SHISA6: variants seen among roughly 807,000 people sequenced by gnomAD.
SHISA6 encodes shisa family member 6, also known as protein shisa-6.
Under a neutral mutation model 47.9 loss-of-function variants are expected in SHISA6, and 22 were observed. The ratio of observed to expected loss-of-function variants is 0.46; its 90% CI spans 0.33 to 0.66. SHISA6 has a LOEUF of 0.66. Among genes scored for constraint, SHISA6 ranks in the 30% least tolerant of loss-of-function variants. SHISA6 has a pLI of 0.02. For synonymous variants in SHISA6, 388 were observed against 337.8 expected, an observed-to-expected ratio of 1.15 and a Z score of -1.63; for missense variants, 680 against 764.6, an observed-to-expected ratio of 0.89 and a Z score of 1.30.
At chr17:11,277,644 C>T (rs750120121) in intron 2 of SHISA6, among the ~76,000 whole-genome samples, 5 of 152,098 alleles carry the variant, frequency 3.3e-5, no homozygotes, top group African/African-American at 4.8e-5. Context: ...GTAAAAGTTA[C>T]TGCTACAGAA....
At chr17:11,293,815 G>C (rs1909636622) in intron 2 of SHISA6, among the ~76,000 whole-genome samples, 1 of 152,188 alleles carries the variant, frequency 6.6e-6, no homozygotes, top group East Asian at 1.9e-4. Context: ...ATGGTTGCAA[G>C]TCCTGGCACA....
At chr17:11,464,502 C>T (rs1915763483) in intron 3 of SHISA6, among the ~76,000 whole-genome samples, 1 of 152,160 alleles carries the variant, frequency 6.6e-6, no homozygotes. Context: ...TGACAGCTTT[C>T]TTGTCCATGC....
chr17:11,507,810 T>C (rs570913404), intron 3 of SHISA6, among the ~76,000 whole-genome samples: 9 of 152,342 alleles, frequency 5.9e-5, no homozygotes, highest in African/African-American at 2.2e-4. Flanking sequence ...TCATTTCTAA[T>C]CTTTAGCACT....
intron 3 of SHISA6, among the ~76,000 whole-genome samples, chr17:11,520,059 A>G (rs1383150979): frequency 9.4e-6 from 1 of 106,218 alleles, no homozygotes; most frequent in Non-Finnish European, 1.9e-5. Context: ...TAATTCATCT[A>G]GTCTCAGTTT....
rs2072005687 is a variant in SHISA6, at chr17:11,558,428, TG to T, written c.*127del. On this transcript the variant is annotated 3_prime_UTR_variant, in exon 6 of 6. Coordinates refer to ENST00000441885, the MANE Select transcript of SHISA6 (RefSeq NM_207386.4). ...TTGTCCCCTCTGTAGGAAGTGGGGGTGGGCCACCTTTGCCCAAAAAGCCATA... is the reference window on the plus strand; with the variant it reads ...TTGTCCCCTCTGTAGGAAGTGGGGGTGGCCACCTTTGCCCAAAAAGCCATA... 1 of 1,165,076 alleles carries T rather than the reference TG, an allele frequency of 8.6e-7. No homozygotes were observed. Among genetic ancestry groups the T allele is most frequent in the African/African-American group, 1.5e-5 (1 of 64,550 alleles). The allele number at this position is 1,165,076 out of a possible 1,614,324, so 72.2% of individuals were successfully genotyped here. A position where few individuals can be genotyped will look rare whatever the true frequency, so the allele number is the denominator to read the frequency against.
At chr17:11,412,022 G>C (rs1317923513) in intron 3 of SHISA6, among the ~76,000 whole-genome samples, 4 of 152,128 alleles carry the variant, frequency 2.6e-5, no homozygotes, top group Non-Finnish European at 4.4e-5. Flanking sequence ...ATAAGAAAAA[G>C]GTTGTCTCTG....
chr17:11,414,114 C>G (rs994229329), intron 3 of SHISA6, among the ~76,000 whole-genome samples: 4 of 151,596 alleles, frequency 2.6e-5, no homozygotes, highest in Non-Finnish European at 5.9e-5. Context: ...CCTTTCCCTC[C>G]TCTCCTCCTT....
chr17:11,368,920 G>T (rs1328187109), intron 2 of SHISA6, among the ~76,000 whole-genome samples: 3 of 152,192 alleles, frequency 2.0e-5, no homozygotes, highest in Non-Finnish European at 2.9e-5. Context: ...CTCCCAAAGT[G>T]CTGGGATTAC....
chr17:11,306,085 G>C lies in SHISA6; in HGVS notation c.799+42559G>C, dbSNP rs1413341614. On this transcript the variant is annotated intron_variant, in intron 2 of 5. Coordinates refer to ENST00000441885, the MANE Select transcript of SHISA6 (RefSeq NM_207386.4). ...ACCTGAAAAAATAGCTCATTTTACT[G>C]AATGCTGACAGTGTACTAAGTGTTT... 2.6e-5 allele frequency among the ~76,000 whole-genome samples: 4 copies of C among 152,126 alleles called. No homozygotes were observed. In the East Asian group the frequency reaches 5.8e-4, roughly 22 times the overall value.
intron 2 of SHISA6, among the ~76,000 whole-genome samples, chr17:11,323,669 A>AAAT (rs60694925): frequency 0.024 from 3,131 of 132,002 alleles, 64 homozygotes; most frequent in African/African-American, 0.054. Flanking sequence ...TAAATAAATA[A>AAAT]AATAATAATA....
chr17:11,505,731 A>G (rs1295312197), intron 3 of SHISA6, among the ~76,000 whole-genome samples: 1 of 152,196 alleles, frequency 6.6e-6, no homozygotes, highest in African/African-American at 2.4e-5. Context: ...TCCTAAAAAT[A>G]TTTTCAACTA....
chr17:11,476,436 G>A (rs1916053030), intron 3 of SHISA6, among the ~76,000 whole-genome samples: 1 of 151,958 alleles, frequency 6.6e-6, no homozygotes, highest in Non-Finnish European at 1.5e-5. Flanking sequence ...TTCCCTCTAA[G>A]TACTGCTTTT....
chr17:11,519,172 A>C (rs2071608791), intron 3 of SHISA6, among the ~76,000 whole-genome samples: 1 of 152,228 alleles, frequency 6.6e-6, no homozygotes, highest in South Asian at 2.1e-4. Context: ...GAGAACAGTA[A>C]CAAAAGCAAA....
intron 3 of SHISA6, among the ~76,000 whole-genome samples, chr17:11,425,421 T>C (rs1424259599): frequency 6.6e-6 from 1 of 152,112 alleles, no homozygotes; most frequent in Non-Finnish European, 1.5e-5. Context: ...CTTCCTCATC[T>C]TATAGTTAAT....
chr17:11,332,845 A>C (rs1911173541), intron 2 of SHISA6, among the ~76,000 whole-genome samples: 1 of 152,104 alleles, frequency 6.6e-6, no homozygotes, highest in Non-Finnish European at 1.5e-5. Context: ...GTCATGTGAT[A>C]TTCCACTGGA....
Position 11,285,520 on chromosome 17 carries a change from A to C in SHISA6, c.799+21994A>C, listed in dbSNP as rs2191087. 8.0e-3 allele frequency among the ~76,000 whole-genome samples: 1,221 copies of C among 152,352 alleles called. 19 individuals are homozygous for C. Among genetic ancestry groups the C allele is most frequent in the African/African-American group, 0.028 (1,169 of 41,584 alleles). On this transcript the variant is annotated intron_variant, in intron 2 of 5. Coordinates refer to ENST00000441885, the MANE Select transcript of SHISA6 (RefSeq NM_207386.4). ...TAATGATTTTGACACCTTTTAAAAA[A>C]TGAATCCTACTGACAGTTTGGAGGC...
chr17:11,538,639 C>T lies in SHISA6; in HGVS notation c.896-13257C>T, dbSNP rs533636297. Among the ~76,000 whole-genome samples the T allele has an allele frequency of 2.6e-4, 39 of 152,274 alleles. No homozygotes were observed. In the South Asian group the frequency reaches 7.5e-3, roughly 29 times the overall value. The stretch of plus-strand genomic sequence containing the variant: ...CTAAGATGCTTTTAAAAAGCTGATT[C>T]CTAGAGCCTGTGTCGAATCTTCCAA... On this transcript the variant is annotated intron_variant, in intron 3 of 5. Coordinates refer to ENST00000441885, the MANE Select transcript of SHISA6 (RefSeq NM_207386.4).
intron 3 of SHISA6, among the ~76,000 whole-genome samples, chr17:11,417,733 G>A: frequency 6.6e-6 from 1 of 152,184 alleles, no homozygotes; most frequent in Admixed American, 6.5e-5. Flanking sequence ...AGAGCTTCTG[G>A]AATTGGAGCT....
At chr17:11,319,399 G>A (rs992033261) in intron 2 of SHISA6, among the ~76,000 whole-genome samples, 1 of 151,976 alleles carries the variant, frequency 6.6e-6, no homozygotes, top group Non-Finnish European at 1.5e-5. Flanking sequence ...TTAATAAGAG[G>A]GTATGGTTGT....
Sources: gnomAD v4.1 joint callset for allele counts (sites outside exome capture counted in the v4.1 genomes callset) on GRCh38, gnomAD v4.1.1 for gene constraint, MANE v1.5 for transcripts, NCBI Gene and HGNC (gene_info 2026-07-23, HGNC 2026-07-21) for gene names.